Variants in TNRC6C observed in about 807,000 individuals in gnomAD.
TNRC6C encodes trinucleotide repeat containing adaptor 6C.
A neutral mutation model predicts 153.7 loss-of-function variants in TNRC6C; 20 were observed. That is an observed-to-expected ratio of 0.13 (90% confidence interval 0.09 to 0.19). TNRC6C has a LOEUF of 0.19. TNRC6C is among the 10% of genes least tolerant of loss of function. The probability of loss-of-function intolerance (pLI) is 1.00; values close to 1 mark genes in which losing one functional copy is unlikely to be tolerated. For missense variants in TNRC6C, 1,987 were observed against 2,172.0 expected (o/e 0.91, Z 1.69); for synonymous variants, 811 against 841.4 (o/e 0.96, Z 0.63).
intron 1 of TNRC6C, among the ~76,000 whole-genome samples, chr17:77,961,157 C>CTTT (rs1219661580): frequency 2.2e-5 from 3 of 136,472 alleles, no homozygotes; most frequent in East Asian, 4.2e-4. Flanking sequence ...CTCGGTTTTA[C>CTTT]TTTTTTTTTT....
intron 3 of TNRC6C, among the ~76,000 whole-genome samples, chr17:78,053,935 T>TA (rs1345972514): frequency 8.5e-5 from 13 of 152,184 alleles, no homozygotes; most frequent in Admixed American, 3.9e-4. Context: ...ACAATGGTGA[T>TA]ACATTCTAAG....
At chr17:77,964,786 C>CA (rs1405555907) in intron 1 of TNRC6C, among the ~76,000 whole-genome samples, 1 of 152,134 alleles carries the variant, frequency 6.6e-6, no homozygotes, top group Non-Finnish European at 1.5e-5. Flanking sequence ...TATTTTTTCT[C>CA]ATACTCCATA....
chr17:78,048,893 G>A, exon 3 of TNRC6C: 1 of 1,256,976 alleles, frequency 8.0e-7, no homozygotes, highest in Non-Finnish European at 1.0e-6. Context: ...TCCCACTGGG[G>A]ACAGCAGCCT....
chr17:77,969,257 A>G (rs1465871776), intron 1 of TNRC6C, among the ~76,000 whole-genome samples: 2 of 151,582 alleles, frequency 1.3e-5, no homozygotes, highest in Non-Finnish European at 2.9e-5. Flanking sequence ...ATCTTTAATA[A>G]ATTTTTTTTT....
chr17:78,102,402 T>G (rs1054691042), intron 17 of TNRC6C, 72 bp from the exon 21 acceptor site: 1 of 1,391,312 alleles, frequency 7.2e-7, no homozygotes, highest in Non-Finnish European at 9.9e-7. Flanking sequence ...TTCAGCACAA[T>G]AAGAAGTGGG....
intron 2 of TNRC6C, among the ~76,000 whole-genome samples, chr17:78,045,115 G>GCACT (rs1041871509): frequency 2.0e-5 from 3 of 152,148 alleles, no homozygotes; most frequent in African/African-American, 7.2e-5. Context: ...TTGGAAAAGA[G>GCACT]CACTGTATGC....
chr17:77,977,212 GT>G (rs1228927226), intron 1 of TNRC6C, among the ~76,000 whole-genome samples: 2 of 151,922 alleles, frequency 1.3e-5, no homozygotes, highest in Admixed American at 1.3e-4. Flanking sequence ...ACTTAGCTGT[GT>G]GTATTGATTT....
intron 17 of TNRC6C, among the ~76,000 whole-genome samples, chr17:78,101,872 G>A (rs2073602158): frequency 2.0e-5 from 3 of 152,026 alleles, no homozygotes; most frequent in African/African-American, 7.3e-5. Flanking sequence ...TCCAGCATGG[G>A]CGTCATGGCC....
At chr17:77,982,906 A>G (rs2071101249) in intron 1 of TNRC6C, among the ~76,000 whole-genome samples, 1 of 152,216 alleles carries the variant, frequency 6.6e-6, no homozygotes, top group African/African-American at 2.4e-5. Context: ...ACTTTAAGGC[A>G]AGACATCCCT....
intron 2 of TNRC6C, chr17:78,041,013 C>T (rs1463037135): frequency 6.6e-6 from 1 of 152,154 alleles, no homozygotes; most frequent in Non-Finnish European, 1.5e-5. Flanking sequence ...CTGTACCCAG[C>T]CGACATGTTG....
chr17:78,096,227 A>G (rs1034504592), intron 16 of TNRC6C, among the ~76,000 whole-genome samples: 2 of 152,172 alleles, frequency 1.3e-5, no homozygotes, highest in Non-Finnish European at 2.9e-5. Context: ...TTCACACAAC[A>G]CAAAGAAGGG....
chr17:78,017,292 T>C (rs1362355120), intron 1 of TNRC6C, among the ~76,000 whole-genome samples: 2 of 151,538 alleles, frequency 1.3e-5, no homozygotes, highest in East Asian at 1.9e-4. Context: ...TTGAATAAGA[T>C]AGAAGCACCT....
chr17:77,976,839 G>A (rs941523288), intron 1 of TNRC6C, among the ~76,000 whole-genome samples: 2 of 140,956 alleles, frequency 1.4e-5, no homozygotes, highest in African/African-American at 5.2e-5. Flanking sequence ...TGAGGCAGGA[G>A]AATTGCTTGA....
At chr17:78,009,796 G>T (rs2071591044) in intron 1 of TNRC6C, among the ~76,000 whole-genome samples, 1 of 152,122 alleles carries the variant, frequency 6.6e-6, no homozygotes, top group African/African-American at 2.4e-5. Flanking sequence ...CTCGTGATCT[G>T]CCCACTTCGG....
exon 3 of TNRC6C, chr17:78,051,424 A>T: frequency 1.3e-6 from 2 of 1,537,520 alleles, no homozygotes; most frequent in Non-Finnish European, 1.8e-6. Flanking sequence ...TACTCAGCTG[A>T]ATCGATCACC....
intron 2 of TNRC6C, among the ~76,000 whole-genome samples, chr17:78,042,668 A>C (rs1045031744): frequency 3.3e-5 from 5 of 151,118 alleles, no homozygotes; most frequent in Non-Finnish European, 7.4e-5. Flanking sequence ...GATGGTGGTG[A>C]TGATGATGGT....
Position 78,049,800 on chromosome 17 carries a change from T to C in TNRC6C, c.738T>C (p.Asn246=), listed in dbSNP as rs1282379329. ...GGGGCAGTGCTGAAGGAATAAGCAA[T>C]TCTGTGTGGGGACTGTCCCCAGGTA... is the stretch of plus-strand genomic sequence containing the variant. Residue 246 remains asparagine (N), a synonymous_variant, in exon 3 of 20, where the codon AAT becomes AAC. Transcript: ENST00000301624. The surrounding 1 kb of genome is among the most constrained non-coding windows in gnomAD (Gnocchi z 4.1). 1 of 1,604,858 alleles carries C rather than the reference T, an allele frequency of 6.2e-7. No homozygotes were observed. Among genetic ancestry groups the C allele is most frequent in the East Asian group, 2.2e-5 (1 of 44,804 alleles).
intron 1 of TNRC6C, among the ~76,000 whole-genome samples, chr17:77,996,581 G>GT (rs1165939323): frequency 6.6e-6 from 1 of 152,200 alleles, no homozygotes; most frequent in African/African-American, 2.4e-5. Context: ...AAAGCACTGA[G>GT]ATACCAGGCT....
Position 78,049,447 on chromosome 17 carries a change from C to G in TNRC6C, c.385C>G (p.Pro129Ala). The G allele has an allele frequency of 6.2e-7, 1 of 1,613,964 alleles. No homozygotes were observed. The highest frequency in any genetic ancestry group is 8.5e-7 in the Non-Finnish European group (1 of 1,179,860). Reference sequence around the variant, plus strand: ...AGGCAACCCTTCCAGTATTTGCAGTCCAGTCAGTGCCATAGGTCAAAATAT... The same window carrying G: ...AGGCAACCCTTCCAGTATTTGCAGTGCAGTCAGTGCCATAGGTCAAAATAT... Residue 129 changes from proline (P) to alanine (A), a missense_variant, in exon 3 of 20, where the codon CCA becomes GCA. Around this residue, in one of 4 missense-constraint regions of TNRC6C, gnomAD observed 1,052 missense variants for 1,017.0 expected, o/e 1.03. Transcript: ENST00000301624. This position sits in a 1 kb window ranked among gnomAD's most constrained non-coding sequence, Gnocchi z 4.1.
Sources: allele counts gnomAD v4.1 joint callset (sites outside exome capture counted in the v4.1 genomes callset), GRCh38; gene constraint gnomAD v4.1.1; regional missense constraint gnomAD v4.1.1; non-coding constraint Gnocchi (gnomAD v3.1); transcripts MANE v1.5; gene names NCBI Gene and HGNC (gene_info 2026-07-23, HGNC 2026-07-21).